The following ZNF674 variants were observed in gnomAD, a reference collection of about 807,000 sequenced individuals.
ZNF674 encodes zinc finger protein 674.
A neutral mutation model predicts 7.0 loss-of-function variants in ZNF674; 2 were observed. The ratio of observed to expected loss-of-function variants is 0.29; its 90% CI spans 0.12 to 0.90. The LOEUF is 0.90. Among genes scored for constraint, ZNF674 ranks in the 40% least tolerant of loss-of-function variants. The pLI is 0.57. For missense variants in ZNF674, 297 were observed against 415.5 expected, an observed-to-expected ratio of 0.71 and a Z score of 2.48; for synonymous variants, 103 against 145.2, an observed-to-expected ratio of 0.71 and a Z score of 2.09.
intron 3 of ZNF674, among the ~76,000 whole-genome samples, chrX:46,534,217 C>T (rs187256443): frequency 2.8e-4 from 31 of 110,620 alleles, no homozygotes; most frequent in African/African-American, 9.9e-4. Context: ...GCCCTTGACA[C>T]GTGGGGATTA....
chrX:46,534,611 T>C (rs1205536209), intron 3 of ZNF674, among the ~76,000 whole-genome samples: 3 of 111,662 alleles, frequency 2.7e-5, no homozygotes, highest in Non-Finnish European at 3.8e-5. Flanking sequence ...TCCACCCGTG[T>C]CAGCTTCCCA....
At chrX:46,524,942 C>T (rs184713689) in intron 5 of ZNF674, among the ~76,000 whole-genome samples, 67 of 108,688 alleles carry the variant, frequency 6.2e-4, no homozygotes, top group African/African-American at 2.0e-3. Context: ...CACAGGCGTT[C>T]GAGGCTGCAA....
At chrX:46,514,826 A>T (rs1465022563) in intron 5 of ZNF674, among the ~76,000 whole-genome samples, 1 of 112,436 alleles carries the variant, frequency 8.9e-6, no homozygotes, top group East Asian at 2.8e-4. Flanking sequence ...TAGCTGGAAG[A>T]GTAAAGAAAG....
intron 3 of ZNF674, among the ~76,000 whole-genome samples, chrX:46,530,667 C>T (rs1261687917): frequency 1.8e-5 from 2 of 112,656 alleles, no homozygotes; most frequent in Non-Finnish European, 3.8e-5. Context: ...GTCCTGTCTC[C>T]TGGCAAGAAG....
chrX:46,532,616 T>C (rs1367572136), intron 3 of ZNF674, among the ~76,000 whole-genome samples: 5 of 112,101 alleles, frequency 4.5e-5, no homozygotes, highest in African/African-American at 1.6e-4. Context: ...GAGAAAATTA[T>C]GACATTGAAA....
chrX:46,518,081 ACTT>A (rs757194630), intron 5 of ZNF674, among the ~76,000 whole-genome samples: 6 of 111,593 alleles, frequency 5.4e-5, no homozygotes, highest in East Asian at 2.8e-4. Context: ...TCAACAGCAG[ACTT>A]CTTCTAAGAG....
intron 3 of ZNF674, among the ~76,000 whole-genome samples, chrX:46,540,875 C>T (rs1942280489): frequency 9.2e-6 from 1 of 108,329 alleles, no homozygotes; most frequent in Non-Finnish European, 1.9e-5. Context: ...ACCAGCCTGG[C>T]CAACATGGTA....
intron 5 of ZNF674, among the ~76,000 whole-genome samples, chrX:46,517,166 G>A (rs770838215): frequency 9.0e-6 from 1 of 111,517 alleles, no homozygotes; most frequent in South Asian, 3.7e-4. Flanking sequence ...AATAACCTAG[G>A]TGCTGGAAAT....
intron 3 of ZNF674, among the ~76,000 whole-genome samples, chrX:46,533,843 TATATATATATAC>T (rs1261638719): frequency 3.4e-5 from 3 of 87,885 alleles, no homozygotes; most frequent in African/African-American, 4.3e-5. Flanking sequence ...TATATATATA[TATATATATATAC>T]ACACACACAC....
chrX:46,533,612 A>G lies in ZNF674; in HGVS notation c.16-4703T>C, dbSNP rs776845493. 4.7e-5 allele frequency among the ~76,000 whole-genome samples: 5 copies of G among 106,850 alleles called. No individual in the cohort carries two copies. The East Asian group carries it at 1.5e-3, about 31-fold the overall frequency. 92.8% of individuals were successfully genotyped at this position (106,850 alleles called of 115,157 possible). On this transcript the variant is annotated intron_variant, in intron 3 of 5. Coordinates refer to ENST00000683375, the MANE Select transcript of ZNF674 (RefSeq NM_001190417.2). ...CCCTGTCTCTACTAAAAATACAAAA[A>G]TTAGCCAGGTGTGGTGGTGCACGCC... is the stretch of plus-strand genomic sequence containing the variant.
At chrX:46,543,951 A>C (rs1942334458) in intron 2 of ZNF674, among the ~76,000 whole-genome samples, 1 of 112,965 alleles carries the variant, frequency 8.9e-6, no homozygotes. Flanking sequence ...TTTCCCCTGG[A>C]AGCAGGTGCC....
At chrX:46,501,379 T>A (rs1368792877) in intron 5 of ZNF674, 44 bp from the exon 6 acceptor site, 49 of 1,151,000 alleles carry the variant, frequency 4.3e-5, no homozygotes, top group Non-Finnish European at 5.6e-5. Flanking sequence ...CTTCCCACTA[T>A]AATTTATGAA....
chrX:46,509,888 G>C (rs1020768941), intron 5 of ZNF674, among the ~76,000 whole-genome samples: 88 of 110,116 alleles, frequency 8.0e-4, no homozygotes, highest in African/African-American at 2.7e-3. Context: ...TGGAACCAAC[G>C]CAAATGTCCA....
At chrX:46,513,571 G>A (rs767339259) in intron 5 of ZNF674, among the ~76,000 whole-genome samples, 26 of 111,733 alleles carry the variant, frequency 2.3e-4, no homozygotes, top group Non-Finnish European at 4.5e-4. Flanking sequence ...TACATTTCAC[G>A]AAGCTGTATC....
At position 46,502,205 on chromosome X, in the gene ZNF674, C is replaced by T. The variant is rs185358422; in HGVS notation, c.239-870G>A. Among the ~76,000 whole-genome samples, 845 of 106,785 alleles carry T rather than the reference C, an allele frequency of 7.9e-3. 9 individuals are homozygous for T. Among genetic ancestry groups the T allele is most frequent in the African/African-American group, 0.028 (808 of 28,889 alleles). The allele number at this position is 106,785 out of a possible 115,157, so 92.7% of individuals were successfully genotyped here. A position where few individuals can be genotyped will look rare whatever the true frequency, so the allele number is the denominator to read the frequency against. Reference sequence around the variant, plus strand: ...CCTGTAATCCCAGCTATTCAGGAGGCTGAGGCAGGAGAATTGCTTGAAGCT... The same window carrying T: ...CCTGTAATCCCAGCTATTCAGGAGGTTGAGGCAGGAGAATTGCTTGAAGCT... On this transcript the variant is annotated intron_variant, in intron 5 of 5. Coordinates refer to ENST00000683375, the MANE Select transcript of ZNF674 (RefSeq NM_001190417.2).
In ZNF674 at chrX:46,499,921, T is replaced by C; in HGVS notation, c.1653A>G (p.Arg551=). 9.3e-6 allele frequency: 11 copies of C among 1,180,922 alleles called. No homozygotes were observed. Among genetic ancestry groups the C allele is most frequent in the Non-Finnish European group, 9.1e-6 (8 of 878,823 alleles). The stretch of plus-strand genomic sequence containing the variant: ...TCCCACTGAATGCTTTCCCACAGTC[T>C]CTGCATTCATAAGGTTTCTCTCCTG... ...THTGEKPYEC[R]DCGKAFSGKS... is the part of the protein sequence containing the mutation. Residue 551 remains arginine (R), a synonymous_variant, in exon 6 of 6, where the codon AGA becomes AGG. Transcript: ENST00000683375.
chrX:46,507,441 T>C (rs5905546), intron 5 of ZNF674, among the ~76,000 whole-genome samples: 26,478 of 111,003 alleles, frequency 0.24, 2,749 homozygotes, highest in Middle Eastern at 0.38. Flanking sequence ...CTTGGCTGTG[T>C]ATAGTATTTA....
At position 46,499,623 on chromosome X, in the gene ZNF674, G is replaced by A; in HGVS notation, c.*220C>T. 6.5e-6 allele frequency: 2 copies of A among 307,000 alleles called. No individual in the cohort carries two copies. Among genetic ancestry groups the A allele is most frequent in the Non-Finnish European group, 1.1e-5 (2 of 177,924 alleles). 25.3% of individuals were successfully genotyped at this position (307,000 alleles called of 1,213,427 possible). A position where few individuals can be genotyped will look rare whatever the true frequency, so the allele number is the denominator to read the frequency against. The stretch of plus-strand genomic sequence containing the variant: ...TTGACATACAGTTCTTCACTCCTGG[G>A]TGAAGAATTCTGGGTGAAAAAACTG... On this transcript the variant is annotated 3_prime_UTR_variant, in exon 6 of 6. Coordinates refer to ENST00000683375, the MANE Select transcript of ZNF674 (RefSeq NM_001190417.2).
chrX:46,545,159 G>A (rs1235336160), intron 1 of ZNF674, among the ~76,000 whole-genome samples: 3 of 110,526 alleles, frequency 2.7e-5, no homozygotes, highest in Non-Finnish European at 5.7e-5. Context: ...TTACCACCGG[G>A]TGAGGATACA....
Sources: allele counts gnomAD v4.1 joint callset (sites outside exome capture counted in the v4.1 genomes callset), GRCh38; gene constraint gnomAD v4.1.1; transcripts MANE v1.5; gene names NCBI Gene and HGNC (gene_info 2026-07-23, HGNC 2026-07-21).